Variants in MGST1 observed in about 807,000 individuals in gnomAD.
MGST1 encodes the protein glutathione S-transferase 12.
Under a neutral mutation model 8.9 loss-of-function variants are expected in MGST1, and 5 were observed. The observed-to-expected ratio is 0.56, with a 90% CI of 0.29 to 1.19. The LOEUF is 1.19. Among genes scored for constraint, MGST1 ranks in the 50% most tolerant of loss-of-function variants. The probability of loss-of-function intolerance (pLI) is 0.08; values close to 1 mark genes in which losing one functional copy is unlikely to be tolerated. For synonymous variants in MGST1, 54 were observed against 67.8 expected (o/e 0.80, Z 1.00); for missense variants, 182 against 187.4 (o/e 0.97, Z 0.17).
intron 4 of MGST1, among the ~76,000 whole-genome samples, chr12:16,554,104 A>G (rs1457641423): frequency 1.3e-5 from 2 of 152,164 alleles, no homozygotes; most frequent in Non-Finnish European, 2.9e-5. Flanking sequence ...TTAATATGAG[A>G]TGTAATTTCT....
chr12:16,402,132 G>A (rs1425255550), intron 1 of MGST1: 1 of 1,515,030 alleles, frequency 6.6e-7, no homozygotes, highest in African/African-American at 1.4e-5. Flanking sequence ...GGCTCCATTA[G>A]CATTCTCATT....
At chr12:16,533,724 CA>C (rs5796678) in intron 4 of MGST1, among the ~76,000 whole-genome samples, 107,775 of 144,252 alleles carry the variant, frequency 0.75, 39,912 homozygotes, top group Non-Finnish European at 0.81. Flanking sequence ...GTGGGGGATG[CA>C]AAAAAAAAAA....
intron 4 of MGST1, among the ~76,000 whole-genome samples, chr12:16,531,049 G>C (rs994840395): frequency 6.7e-6 from 1 of 150,114 alleles, no homozygotes; most frequent in Non-Finnish European, 1.5e-5. Flanking sequence ...TTGGGAAAGA[G>C]AGGGAGAGAA....
downstream of MGST1, among the ~76,000 whole-genome samples, chr12:16,592,235 T>C (rs1194169581): frequency 6.6e-6 from 1 of 152,032 alleles, no homozygotes; most frequent in East Asian, 1.9e-4. Context: ...TTTAAAGAGA[T>C]AGCAAAGCAA....
chr12:16,376,079 CTT>C, intron 3 of MGST1: 2 of 1,267,862 alleles, frequency 1.6e-6, no homozygotes, highest in South Asian at 2.9e-5. Context: ...TGTATATAGT[CTT>C]TGAAGGATAT....
At chr12:16,402,522 G>T in intron 1 of MGST1, 1 of 1,003,126 alleles carries the variant, frequency 1.0e-6, no homozygotes, top group Non-Finnish European at 1.5e-6. Context: ...TTCTTGGTTA[G>T]ATTTATAATA....
chr12:16,395,651 T>C (rs1940597114), intron 1 of MGST1, among the ~76,000 whole-genome samples: 1 of 151,746 alleles, frequency 6.6e-6, no homozygotes, highest in Non-Finnish European at 1.5e-5. Context: ...CTTCTACTTA[T>C]GAGTGAGAAC....
chr12:16,416,890 C>T (rs913467468), intron 1 of MGST1, among the ~76,000 whole-genome samples: 3 of 152,122 alleles, frequency 2.0e-5, no homozygotes, highest in African/African-American at 7.2e-5. Context: ...TTGCATTCCT[C>T]ATGCCAACTG....
At chr12:16,515,218 T>C (rs1239483351) in intron 4 of MGST1, among the ~76,000 whole-genome samples, 1 of 152,224 alleles carries the variant, frequency 6.6e-6, no homozygotes, top group Non-Finnish European at 1.5e-5. Context: ...TCCTGTCATA[T>C]TTAAGAAAAA....
chr12:16,365,743 G>GCA (rs769759439), downstream of MGST1, among the ~76,000 whole-genome samples: 791 of 100,382 alleles, frequency 7.9e-3, 9 homozygotes, highest in Middle Eastern at 0.058. Flanking sequence ...GCGTGCACGC[G>GCA]CACACACACA....
intron 1 of MGST1, chr12:16,400,158 C>G: frequency 7.8e-7 from 1 of 1,275,650 alleles, no homozygotes; most frequent in Non-Finnish European, 1.1e-6. Flanking sequence ...CTCGGTCATG[C>G]ATATGTTGAT....
At chr12:16,419,960 G>C (rs908235714) in intron 1 of MGST1, among the ~76,000 whole-genome samples, 6 of 152,134 alleles carry the variant, frequency 3.9e-5, no homozygotes, top group Admixed American at 3.9e-4. Context: ...GCCGATGAAG[G>C]CTGACTAGAG....
chr12:16,436,676 C>T (rs913699098), intron 1 of MGST1, among the ~76,000 whole-genome samples: 5 of 151,878 alleles, frequency 3.3e-5, no homozygotes, highest in East Asian at 1.9e-4. Context: ...TTAAATGTAT[C>T]GGCTCATTTA....
At chr12:16,468,462 C>T (rs1941269339) in intron 4 of MGST1, among the ~76,000 whole-genome samples, 2 of 152,156 alleles carry the variant, frequency 1.3e-5, no homozygotes, top group South Asian at 4.2e-4. Flanking sequence ...CTCCAATCTT[C>T]CTATCAAGAA....
chr12:16,408,825 A>C (rs968321076), intron 1 of MGST1, among the ~76,000 whole-genome samples: 3 of 152,088 alleles, frequency 2.0e-5, no homozygotes, highest in African/African-American at 7.2e-5. Flanking sequence ...CTTTTCAAAA[A>C]TCTGTGCTGC....
At chr12:16,445,546 G>A (rs1374442291) in intron 4 of MGST1, among the ~76,000 whole-genome samples, 1 of 151,910 alleles carries the variant, frequency 6.6e-6, no homozygotes, top group Non-Finnish European at 1.5e-5. Flanking sequence ...AGTTAACATG[G>A]CCCTTGGGCA....
chr12:16,466,156 GA>G (rs1014345108), intron 4 of MGST1, among the ~76,000 whole-genome samples: 4 of 152,106 alleles, frequency 2.6e-5, no homozygotes, highest in Non-Finnish European at 1.5e-5. Context: ...AGTTTTTTTA[GA>G]GACACGTCAT....
chr12:16,445,858 A>G (rs1591730697), intron 4 of MGST1, among the ~76,000 whole-genome samples: 1 of 151,944 alleles, frequency 6.6e-6, no homozygotes, highest in Admixed American at 6.6e-5. Flanking sequence ...AATATCCTTC[A>G]TATCCTTAGA....
At chr12:16,454,253 T>A (rs1052832632) in intron 4 of MGST1, among the ~76,000 whole-genome samples, 1 of 151,982 alleles carries the variant, frequency 6.6e-6, no homozygotes, top group African/African-American at 2.4e-5. Context: ...GGAACTATTT[T>A]TTCCTGGTAG....
Sources: allele counts gnomAD v4.1 joint callset (sites outside exome capture counted in the v4.1 genomes callset), GRCh38; gene constraint gnomAD v4.1.1; transcripts MANE v1.5; gene names NCBI Gene and HGNC (gene_info 2026-07-23, HGNC 2026-07-21).